Variants in MECOM observed in about 807,000 individuals in gnomAD.
MECOM encodes the protein histone-lysine N-methyltransferase MECOM.
MECOM carries 13 observed loss-of-function variants against 116.3 expected under a neutral mutation model. The ratio of observed to expected loss-of-function variants is 0.11; its 90% CI spans 0.07 to 0.18. The LOEUF (loss-of-function observed/expected upper bound fraction) is 0.18. MECOM is among the 10% of genes least tolerant of loss of function. The probability of loss-of-function intolerance (pLI) is 1.00; values close to 1 mark genes in which losing one functional copy is unlikely to be tolerated. For missense variants in MECOM, 1,299 were observed against 1,509.0 expected (o/e 0.86, Z 2.31); for synonymous variants, 528 against 535.2 (o/e 0.99, Z 0.19).
At chr3:169,278,048 C>G (rs1254647728) in intron 2 of MECOM, among the ~76,000 whole-genome samples, 2 of 152,190 alleles carry the variant, frequency 1.3e-5, no homozygotes, top group Non-Finnish European at 2.9e-5. Flanking sequence ...AAGCACAATT[C>G]CTGAAACAAA....
intron 1 of MECOM, among the ~76,000 whole-genome samples, chr3:169,586,984 G>A (rs1765851609): frequency 1.3e-5 from 2 of 152,172 alleles, no homozygotes; most frequent in South Asian, 2.1e-4. Flanking sequence ...GCCAGTTCCT[G>A]TTCTAAGCAC....
At chr3:169,233,141 C>A (rs889364146) in intron 2 of MECOM, among the ~76,000 whole-genome samples, 1 of 152,106 alleles carries the variant, frequency 6.6e-6, no homozygotes, top group South Asian at 2.1e-4. Context: ...TACTGGTTTT[C>A]CTATGTTTCA....
At chr3:169,193,831 T>A (rs1559976711) in intron 2 of MECOM, among the ~76,000 whole-genome samples, 1 of 151,974 alleles carries the variant, frequency 6.6e-6, no homozygotes, top group Admixed American at 6.6e-5. Flanking sequence ...AGTTTAAGGG[T>A]TATAGTTAAG....
intron 3 of MECOM, among the ~76,000 whole-genome samples, chr3:169,139,270 T>A (rs950717842): frequency 6.6e-6 from 1 of 152,120 alleles, no homozygotes; most frequent in Non-Finnish European, 1.5e-5. Context: ...ACTTACTAAA[T>A]ACCAGCTGTC....
chr3:169,415,983 A>G (rs1383774030), intron 1 of MECOM, among the ~76,000 whole-genome samples: 1 of 152,222 alleles, frequency 6.6e-6, no homozygotes, highest in African/African-American at 2.4e-5. Flanking sequence ...GAAAATTAAC[A>G]AGGATATCCA....
At chr3:169,267,674 C>T (rs1000298490) in intron 2 of MECOM, among the ~76,000 whole-genome samples, 1 of 152,162 alleles carries the variant, frequency 6.6e-6, no homozygotes, top group Non-Finnish European at 1.5e-5. Context: ...GGCCTCCCTT[C>T]TGTGTTCTCC....
At chr3:169,379,835 C>T (rs753488902) in intron 2 of MECOM, among the ~76,000 whole-genome samples, 4 of 152,108 alleles carry the variant, frequency 2.6e-5, no homozygotes, top group Non-Finnish European at 4.4e-5. Flanking sequence ...AAAGTTCGTA[C>T]GCATTTGGTT....
chr3:169,133,376 AG>A (rs1199433794), intron 3 of MECOM: 1 of 152,224 alleles, frequency 6.6e-6, no homozygotes, highest in African/African-American at 2.4e-5. Context: ...GTGGCTCTAA[AG>A]TCCAATTGTT....
chr3:169,173,505 T>C (rs1744738384), intron 2 of MECOM, among the ~76,000 whole-genome samples: 2 of 152,210 alleles, frequency 1.3e-5, no homozygotes, highest in South Asian at 4.1e-4. Flanking sequence ...GTCTGGCAAC[T>C]CTGAAAACAT....
intron 2 of MECOM, among the ~76,000 whole-genome samples, chr3:169,365,836 C>T (rs1729063417): frequency 6.6e-6 from 1 of 151,928 alleles, no homozygotes; most frequent in Non-Finnish European, 1.5e-5. Context: ...AAGTGACACT[C>T]TAAAGAGAAA....
chr3:169,457,717 G>A (rs1392756861), intron 1 of MECOM, among the ~76,000 whole-genome samples: 1 of 152,152 alleles, frequency 6.6e-6, no homozygotes, highest in East Asian at 1.9e-4. Context: ...TGTCACCTCT[G>A]AAATATGAGG....
chr3:169,589,819 A>T (rs1445634174), intron 1 of MECOM, among the ~76,000 whole-genome samples: 2 of 152,168 alleles, frequency 1.3e-5, no homozygotes, highest in Non-Finnish European at 2.9e-5. Context: ...CCATCTACCT[A>T]CTTTTAACAA....
intron 1 of MECOM, among the ~76,000 whole-genome samples, chr3:169,600,629 G>A (rs942320457): frequency 6.6e-6 from 1 of 152,182 alleles, no homozygotes. Context: ...AACTCGGCTG[G>A]TGTTTCCATT....
chr3:169,385,927 C>T (rs2108305935), intron 1 of MECOM, among the ~76,000 whole-genome samples: 1 of 152,252 alleles, frequency 6.6e-6, no homozygotes, highest in African/African-American at 2.4e-5. Flanking sequence ...CTTCTTGGAG[C>T]TGAGCTGTCT....
intron 1 of MECOM, among the ~76,000 whole-genome samples, chr3:169,600,699 T>C (rs557050046): frequency 5.3e-5 from 8 of 152,362 alleles, no homozygotes; most frequent in African/African-American, 1.7e-4. Flanking sequence ...GGGCTCATAA[T>C]GAGCTCACAC....
chr3:169,530,374 G>T (rs559559824), intron 1 of MECOM, among the ~76,000 whole-genome samples: 8 of 152,228 alleles, frequency 5.3e-5, no homozygotes, highest in East Asian at 3.9e-4. Flanking sequence ...ACTGGCCAGG[G>T]TCATGAAAGC....
At chr3:169,164,510 A>G (rs1160907840) in intron 2 of MECOM, among the ~76,000 whole-genome samples, 1 of 152,180 alleles carries the variant, frequency 6.6e-6, no homozygotes, top group Non-Finnish European at 1.5e-5. Context: ...TTCAGTACTT[A>G]ATACAGGGAG....
At chr3:169,300,931 T>C (rs1716588017) in intron 2 of MECOM, among the ~76,000 whole-genome samples, 1 of 152,228 alleles carries the variant, frequency 6.6e-6, no homozygotes, top group Admixed American at 6.5e-5. Context: ...AAGGCTTCGC[T>C]CAATAAGTGG....
intron 1 of MECOM, among the ~76,000 whole-genome samples, chr3:169,430,849 T>C (rs1049610592): frequency 2.0e-5 from 3 of 152,206 alleles, no homozygotes; most frequent in Non-Finnish European, 4.4e-5. Flanking sequence ...TTGCTTTCAT[T>C]TCCTTCTTTA....
Sources: allele counts gnomAD v4.1 joint callset (sites outside exome capture counted in the v4.1 genomes callset), GRCh38; gene constraint gnomAD v4.1.1; transcripts MANE v1.5; gene names NCBI Gene and HGNC (gene_info 2026-07-23, HGNC 2026-07-21).